Variants in SLIT3 observed in about 807,000 individuals in gnomAD.
The protein encoded by SLIT3 is slit homolog 3 protein.
A neutral mutation model predicts 184.0 loss-of-function variants in SLIT3; 68 were observed. The ratio of observed to expected loss-of-function variants is 0.37; its 90% CI spans 0.30 to 0.45. The LOEUF is 0.45. Ranked by LOEUF, SLIT3 falls within the 20% of genes least tolerant of loss-of-function variation. The probability of loss-of-function intolerance (pLI) is 1.00; values close to 1 mark genes in which losing one functional copy is unlikely to be tolerated. For synonymous variants in SLIT3, 831 were observed against 828.6 expected, an observed-to-expected ratio of 1.00 and a Z score of -0.05; for missense variants, 1,707 against 2,026.0, an observed-to-expected ratio of 0.84 and a Z score of 3.02.
intron 4 of SLIT3, among the ~76,000 whole-genome samples, chr5:169,089,516 A>T (rs1034583587): frequency 1.3e-5 from 2 of 152,126 alleles, no homozygotes; most frequent in African/African-American, 4.8e-5. Flanking sequence ...CTCCAAGCAA[A>T]CAATACCATT....
intron 4 of SLIT3, among the ~76,000 whole-genome samples, chr5:168,939,687 A>T (rs1762272428): frequency 1.3e-5 from 2 of 152,262 alleles, no homozygotes; most frequent in African/African-American, 4.8e-5. Flanking sequence ...GATGCTCTAT[A>T]ATCAAGACTT....
chr5:169,019,988 A>C (rs1756537264), intron 4 of SLIT3, among the ~76,000 whole-genome samples: 1 of 152,204 alleles, frequency 6.6e-6, no homozygotes, highest in South Asian at 2.1e-4. Context: ...TGACAAATAA[A>C]GGCCATTTCT....
intron 1 of SLIT3, among the ~76,000 whole-genome samples, chr5:169,269,171 G>T (rs1416300709): frequency 1.3e-5 from 2 of 152,208 alleles, no homozygotes; most frequent in Admixed American, 1.3e-4. Context: ...GGCAAGGGCT[G>T]TGGGGGTTCA....
chr5:169,117,275 C>A (rs111551741), intron 4 of SLIT3, among the ~76,000 whole-genome samples: 166 of 152,290 alleles, frequency 1.1e-3, no homozygotes, highest in African/African-American at 3.7e-3. Context: ...ATAAAAAGCA[C>A]GGCTCCATGC....
intron 3 of SLIT3, among the ~76,000 whole-genome samples, chr5:169,209,072 T>TATTCAGAA (rs138048502): frequency 0.069 from 10,440 of 152,246 alleles, 439 homozygotes; most frequent in South Asian, 0.12. Context: ...AAAGGGCTAA[T>TATTCAGAA]ATTCAGAATC....
At chr5:168,983,124 C>G (rs1001511360) in intron 4 of SLIT3, among the ~76,000 whole-genome samples, 1 of 152,214 alleles carries the variant, frequency 6.6e-6, no homozygotes, top group African/African-American at 2.4e-5. Context: ...GCTCCTGTCT[C>G]AAGCCACATT....
At chr5:168,788,011 CT>C (rs1486472879) in intron 11 of SLIT3, among the ~76,000 whole-genome samples, 2 of 152,096 alleles carry the variant, frequency 1.3e-5, no homozygotes, top group African/African-American at 4.8e-5. Context: ...TTAAACAATG[CT>C]CACATATATT....
Position 168,948,418 on chromosome 5 carries a change from G to A in SLIT3, c.414-65082C>T, listed in dbSNP as rs375404809. 2.9e-4 allele frequency among the ~76,000 whole-genome samples: 44 copies of A among 152,254 alleles called. 2 individuals carry two copies. The South Asian group carries it at 8.5e-3, about 29-fold the overall frequency. ...TTAGGTGCATACAGAGAACAGAGCC[G>A]GAGCCTGAGGGGGCTGCAGATGGAT... is the stretch of plus-strand genomic sequence containing the variant. On this transcript the variant is annotated intron_variant, in intron 4 of 35. Coordinates refer to ENST00000519560, the MANE Select transcript of SLIT3 (RefSeq NM_003062.4).
intron 29 of SLIT3, among the ~76,000 whole-genome samples, chr5:168,689,779 C>G (rs994771976): frequency 2.6e-5 from 4 of 152,182 alleles, no homozygotes; most frequent in African/African-American, 9.7e-5. Context: ...GCTAATATCC[C>G]TACAGGCTGC....
intron 25 of SLIT3, 119 bp downstream of exon 25, chr5:168,710,776 A>C: frequency 1.2e-6 from 1 of 832,360 alleles, no homozygotes; most frequent in East Asian, 3.3e-5. Flanking sequence ...GACCCATGGA[A>C]GAGACAGGGT....
At chr5:169,154,428 C>T (rs994420980) in intron 4 of SLIT3, among the ~76,000 whole-genome samples, 5 of 152,242 alleles carry the variant, frequency 3.3e-5, no homozygotes, top group African/African-American at 7.2e-5. Flanking sequence ...GGGCATGACT[C>T]TCTACCCCTT....
At chr5:169,259,759 C>G (rs1766101858) in intron 1 of SLIT3, among the ~76,000 whole-genome samples, 3 of 152,150 alleles carry the variant, frequency 2.0e-5, no homozygotes, top group Admixed American at 2.0e-4. Flanking sequence ...GGAGTCCTGT[C>G]AATAACTCTG....
rs1430292517 is a variant in SLIT3, at chr5:169,124,164, A to G, written c.413+69315T>C. On this transcript the variant is annotated intron_variant, in intron 4 of 35. Coordinates refer to ENST00000519560, the MANE Select transcript of SLIT3 (RefSeq NM_003062.4). ...TTAATGTAAAAAAGATGGCATTGATATGGTTAAATTCCCAGGACCCTCAGT... is the reference window on the plus strand; with the variant it reads ...TTAATGTAAAAAAGATGGCATTGATGTGGTTAAATTCCCAGGACCCTCAGT... Among the ~76,000 whole-genome samples, 3 of 152,326 alleles carry G rather than the reference A, an allele frequency of 2.0e-5. No individual in the cohort carries two copies. In the East Asian group the frequency reaches 5.8e-4, roughly 29 times the overall value.
intron 3 of SLIT3, among the ~76,000 whole-genome samples, chr5:169,220,595 CG>C (rs199830624): frequency 0.018 from 2,673 of 152,138 alleles, 33 homozygotes; most frequent in Non-Finnish European, 0.027. Context: ...AAAAGACAGA[CG>C]ACAATAGCTA....
intron 4 of SLIT3, among the ~76,000 whole-genome samples, chr5:168,914,299 A>G (rs1215198354): frequency 2.0e-5 from 3 of 152,182 alleles, no homozygotes; most frequent in Admixed American, 1.3e-4. Context: ...AGTAGTTCAC[A>G]TTGACTCTGT....
At chr5:168,716,102 G>A (rs1429213540) in intron 23 of SLIT3, among the ~76,000 whole-genome samples, 1 of 152,186 alleles carries the variant, frequency 6.6e-6, no homozygotes, top group Non-Finnish European at 1.5e-5. Flanking sequence ...TGAGTAGCTG[G>A]GACTGTAGGT....
At chr5:168,885,838 G>T (rs1038356700) in intron 4 of SLIT3, among the ~76,000 whole-genome samples, 11 of 152,206 alleles carry the variant, frequency 7.2e-5, no homozygotes, top group Non-Finnish European at 1.2e-4. Flanking sequence ...ACACTGGGAG[G>T]AGTAGCAGTC....
At chr5:168,727,630 G>A (rs1763171416) in intron 20 of SLIT3, among the ~76,000 whole-genome samples, 1 of 152,204 alleles carries the variant, frequency 6.6e-6, no homozygotes, top group African/African-American at 2.4e-5. Context: ...GGCTGGTGTT[G>A]CAGAGCTTCC....
At chr5:169,071,700 G>A (rs1193522209) in intron 4 of SLIT3, among the ~76,000 whole-genome samples, 1 of 152,128 alleles carries the variant, frequency 6.6e-6, no homozygotes, top group Non-Finnish European at 1.5e-5. Context: ...CCAAGTCGTG[G>A]TTGCAATGGA....
Sources: gnomAD v4.1 joint callset for allele counts (sites outside exome capture counted in the v4.1 genomes callset) on GRCh38, gnomAD v4.1.1 for gene constraint, MANE v1.5 for transcripts, NCBI Gene and HGNC (gene_info 2026-07-23, HGNC 2026-07-21) for gene names.